The following IFT46 variants were observed in gnomAD, a reference collection of about 807,000 sequenced individuals.
IFT46 encodes intraflagellar transport 46, also known as intraflagellar transport protein 46 homolog.
Under a neutral mutation model 39.6 loss-of-function variants are expected in IFT46, and 19 were observed. The observed-to-expected ratio is 0.48, with a 90% CI of 0.33 to 0.70. The LOEUF (loss-of-function observed/expected upper bound fraction) is 0.70, where lower values mean the gene tolerates loss of function less well. Among genes scored for constraint, IFT46 ranks in the 30% least tolerant of loss-of-function variants. IFT46 has a pLI of 0.01. For missense variants in IFT46, 334 were observed against 364.8 expected (o/e 0.92, Z 0.69); for synonymous variants, 117 against 134.8 (o/e 0.87, Z 0.91).
chr11:118,576,448 A>AC (rs386375038), upstream of IFT46, among the ~76,000 whole-genome samples: 2 of 148,538 alleles, frequency 1.3e-5, no homozygotes, highest in Admixed American at 6.6e-5. Flanking sequence ...AAAAAAAAAA[A>AC]ACCAAAAACT....
Position 118,547,722 on chromosome 11 carries a change from C to T in IFT46, c.673-1869G>A, listed in dbSNP as rs528470991. Among the ~76,000 whole-genome samples the T allele has an allele frequency of 7.8e-4, 114 of 147,074 alleles. 1 individual carries two copies. The South Asian group carries it at 0.024, about 31-fold the overall frequency. Reference sequence around the variant, plus strand: ...CAGGCATGAGCCACCGTGTCCAGCTCCTTTTACTTTTCTTTTCTTTTCTTT... The same window carrying T: ...CAGGCATGAGCCACCGTGTCCAGCTTCTTTTACTTTTCTTTTCTTTTCTTT... On this transcript the variant is annotated intron_variant, in intron 9 of 11. Coordinates refer to ENST00000264021, the MANE Select transcript of IFT46 (RefSeq NM_001168618.2).
chr11:118,550,603 G>A (rs1951786101), intron 9 of IFT46, among the ~76,000 whole-genome samples: 1 of 152,146 alleles, frequency 6.6e-6, no homozygotes, highest in African/African-American at 2.4e-5. Context: ...ATGAGCCACT[G>A]TGCCCGGCCC....
At chr11:118,553,602 C>G (rs1157818421) in intron 7 of IFT46, among the ~76,000 whole-genome samples, 6 of 152,142 alleles carry the variant, frequency 3.9e-5, no homozygotes, top group African/African-American at 1.4e-4. Flanking sequence ...TTTGGTAGTT[C>G]TTCAAATGGC....
At chr11:118,559,195 T>C (rs572009269) in intron 3 of IFT46, among the ~76,000 whole-genome samples, 1 of 152,136 alleles carries the variant, frequency 6.6e-6, no homozygotes, top group African/African-American at 2.4e-5. Flanking sequence ...AGAAATCATA[T>C]GTGCAACTCT....
At chr11:118,576,452 A>C, upstream of IFT46, among the ~76,000 whole-genome samples, 1 of 139,932 alleles carries the variant, frequency 7.1e-6, no homozygotes, top group Non-Finnish European at 1.6e-5. Context: ...AAAAAAAACC[A>C]AAAACTTTGT....
intron 2 of IFT46, chr11:118,560,976 C>T: frequency 7.3e-7 from 1 of 1,374,562 alleles, no homozygotes; most frequent in Non-Finnish European, 1.0e-6. Flanking sequence ...AATTATGCTG[C>T]AACTTATTGT....
At chr11:118,569,419 C>T (rs1473015791), upstream of IFT46, among the ~76,000 whole-genome samples, 2 of 151,696 alleles carry the variant, frequency 1.3e-5, no homozygotes, top group East Asian at 3.9e-4. Context: ...ATAGCAAGAC[C>T]CCCATCTCTC....
At chr11:118,569,709 GT>G (rs1452503806), upstream of IFT46, among the ~76,000 whole-genome samples, 2 of 152,152 alleles carry the variant, frequency 1.3e-5, no homozygotes, top group Admixed American at 6.6e-5. Flanking sequence ...TTCCTCATGT[GT>G]AAAATGGAGA....
chr11:118,547,223 T>C (rs1186907906), intron 9 of IFT46: 1 of 152,190 alleles, frequency 6.6e-6, no homozygotes, highest in Non-Finnish European at 1.5e-5. Context: ...AATCTGTCTT[T>C]GTAGAGCTTA....
chr11:118,553,462 C>T (rs1162624178), intron 7 of IFT46, among the ~76,000 whole-genome samples: 5 of 151,358 alleles, frequency 3.3e-5, no homozygotes, highest in Non-Finnish European at 7.4e-5. Flanking sequence ...AAAGAAATAC[C>T]ATTTCACACC....
intron 3 of IFT46, 42 bp downstream of exon 3, chr11:118,559,743 C>T: frequency 6.4e-7 from 1 of 1,552,780 alleles, no homozygotes; most frequent in African/African-American, 1.4e-5. Flanking sequence ...TACTAAAAAC[C>T]CAAAGCAGAA....
In IFT46 at chr11:118,556,967, AATC is replaced by A. The variant is rs781847196; in HGVS notation, c.121_123del (p.Asp41del). 1.2e-4 allele frequency: 187 copies of A among 1,607,696 alleles called. No individual in the cohort carries two copies. Among genetic ancestry groups the A allele is most frequent in the South Asian group, 2.5e-4 (23 of 90,228 alleles). ...TCAGAATCAGAATCAGTTTCAGATGAATCATCATCATCATCATCGTCATCCTCA... is the reference window on the plus strand; with the variant it reads ...TCAGAATCAGAATCAGTTTCAGATGAATCATCATCATCATCGTCATCCTCA... On this transcript the variant is annotated inframe_deletion, in exon 4 of 12. Coordinates refer to ENST00000264021, the MANE Select transcript of IFT46 (RefSeq NM_001168618.2).
intron 2 of IFT46, among the ~76,000 whole-genome samples, chr11:118,561,769 CA>C (rs782805662): frequency 6.6e-6 from 1 of 152,134 alleles, no homozygotes; most frequent in Non-Finnish European, 1.5e-5. Flanking sequence ...CAGGGCCTGG[CA>C]AATAATAGTC....
At chr11:118,553,083 A>T (rs978279639) in intron 7 of IFT46, among the ~76,000 whole-genome samples, 5 of 151,576 alleles carry the variant, frequency 3.3e-5, no homozygotes, top group African/African-American at 1.2e-4. Context: ...CCCTGTCTCA[A>T]AAAAAAATAA....
chr11:118,561,118 C>G, intron 2 of IFT46: 1 of 1,487,738 alleles, frequency 6.7e-7, no homozygotes, highest in African/African-American at 1.4e-5. Context: ...CCTTTACCTG[C>G]TATTTGGATA....
chr11:118,572,686 A>G, exon 1 of IFT46: 1 of 1,138,578 alleles, frequency 8.8e-7, no homozygotes. Flanking sequence ...GGGCTCGGGG[A>G]GCAGTGTGGC....
At chr11:118,554,861 G>A in intron 6 of IFT46, 129 bp downstream of exon 6, 1 of 733,674 alleles carries the variant, frequency 1.4e-6, no homozygotes, top group Non-Finnish European at 2.3e-6. Flanking sequence ...TTGAGAGCAA[G>A]GTTAAGAACT....
chr11:118,557,762 G>A (rs201528834), intron 3 of IFT46: 2 of 1,613,830 alleles, frequency 1.2e-6, no homozygotes, highest in African/African-American at 1.3e-5. Flanking sequence ...GGCTCTCTCT[G>A]TACCATCCCA....
intron 2 of IFT46, among the ~76,000 whole-genome samples, chr11:118,562,730 T>C (rs781998536): frequency 2.0e-5 from 3 of 152,100 alleles, no homozygotes; most frequent in South Asian, 2.1e-4. Context: ...AGCCAAAATA[T>C]GAAAACAACC....
Sources: allele counts gnomAD v4.1 joint callset (sites outside exome capture counted in the v4.1 genomes callset), GRCh38; gene constraint gnomAD v4.1.1; transcripts MANE v1.5; gene names NCBI Gene and HGNC (gene_info 2026-07-23, HGNC 2026-07-21).